Variants in COL12A1 observed in about 807,000 individuals in gnomAD.
COL12A1 encodes the protein collagen type XII alpha 1 chain.
Under a neutral mutation model 349.7 loss-of-function variants are expected in COL12A1, and 114 were observed. The ratio of observed to expected loss-of-function variants is 0.33; its 90% CI spans 0.28 to 0.38. The LOEUF (loss-of-function observed/expected upper bound fraction) is 0.38. Among genes scored for constraint, COL12A1 ranks in the 10% least tolerant of loss-of-function variants. The pLI is 1.00. For missense variants in COL12A1, 3,284 were observed against 3,756.9 expected (o/e 0.87, Z 3.29); for synonymous variants, 1,369 against 1,329.0 (o/e 1.03, Z -0.66).
chr6:75,176,617 ACT>A (rs1276214826), intron 12 of COL12A1, among the ~76,000 whole-genome samples: 1 of 152,152 alleles, frequency 6.6e-6, no homozygotes, highest in Non-Finnish European at 1.5e-5. Flanking sequence ...AAATCCACAA[ACT>A]CAGATTCACC....
At chr6:75,108,485 G>A (rs574540927) in intron 52 of COL12A1, among the ~76,000 whole-genome samples, 12 of 152,166 alleles carry the variant, frequency 7.9e-5, no homozygotes, top group African/African-American at 2.4e-4. Context: ...GGGTTGGCAC[G>A]CTCCTGCCTC....
At chr6:75,180,382 T>C (rs1449782740) in intron 11 of COL12A1, among the ~76,000 whole-genome samples, 1 of 152,128 alleles carries the variant, frequency 6.6e-6, no homozygotes, top group Non-Finnish European at 1.5e-5. Flanking sequence ...TATTGCTTAA[T>C]GGGTACAGAA....
rs1174493948 is a variant in COL12A1 at position 75,182,112 on chromosome 6, GA to G, written c.1892-902del. 1.4e-3 allele frequency among the ~76,000 whole-genome samples: 180 copies of G among 132,742 alleles called. 1 individual carries two copies. Among genetic ancestry groups the G allele is most frequent in the African/African-American group, 4.5e-3 (162 of 36,060 alleles). The allele number at this position is 132,742 out of a possible 152,430, so 87.1% of individuals were successfully genotyped here. On this transcript the variant is annotated intron_variant, in intron 10 of 65. Coordinates refer to ENST00000322507, the MANE Select transcript of COL12A1 (RefSeq NM_004370.6). ...CCCTGTCTCAAAAAAAAAAAAAAAA[GA>G]AAAAAAAACAGTACATAGGAAAGCC...
chr6:75,179,889 A>C (rs1455507741), intron 11 of COL12A1, among the ~76,000 whole-genome samples: 1 of 152,272 alleles, frequency 6.6e-6, no homozygotes, highest in Admixed American at 6.5e-5. Context: ...TAAGGAGTAC[A>C]CATGTAAACA....
chr6:75,194,032 G>T (rs1770093517), intron 3 of COL12A1, among the ~76,000 whole-genome samples: 1 of 152,108 alleles, frequency 6.6e-6, no homozygotes, highest in South Asian at 2.1e-4. Context: ...GTGCCACAAT[G>T]AACATACGTG....
chr6:75,165,806 T>C, intron 13 of COL12A1, 27 bp from the exon 14 acceptor site: 1 of 1,601,244 alleles, frequency 6.2e-7, no homozygotes, highest in East Asian at 2.2e-5. Context: ...AAGGGAATCT[T>C]TTTTAAAAAT....
chr6:75,191,524 T>C (rs1300256649), intron 5 of COL12A1, among the ~76,000 whole-genome samples, 177 bp downstream of exon 5: 1 of 152,022 alleles, frequency 6.6e-6, no homozygotes, highest in African/African-American at 2.4e-5. Context: ...TGTCAGAACT[T>C]AGGTTATAAT....
At position 75,151,378 on chromosome 6, in the gene COL12A1, G is replaced by T. The variant is rs1767478609; in HGVS notation, c.4001-91C>A. ...TGATTTACGGCTTTCTTAATTCATG[G>T]CTGCTTTTGGCCAACTATGAAGGTT... On this transcript the variant is annotated intron_variant, in intron 20 of 65. Coordinates refer to ENST00000322507, the MANE Select transcript of COL12A1 (RefSeq NM_004370.6). 3.4e-6 allele frequency: 4 copies of T among 1,178,782 alleles called. No individual in the cohort carries two copies. The East Asian group carries it at 9.9e-5, about 29-fold the overall frequency. The allele number at this position is 1,178,782 out of a possible 1,614,324, so 73.0% of individuals were successfully genotyped here. A position where few individuals can be genotyped will look rare whatever the true frequency, so the allele number is the denominator to read the frequency against.
Position 75,091,719 on chromosome 6 carries a change from TTC to T in COL12A1, c.8650-196_8650-195del, listed in dbSNP as rs371292617. Among the ~76,000 whole-genome samples, 17 of 150,318 alleles carry T rather than the reference TTC, an allele frequency of 1.1e-4. No homozygotes were observed. The South Asian group carries it at 1.5e-3, about 13-fold the overall frequency. On this transcript the variant is annotated intron_variant, in intron 60 of 65. Transcript: ENST00000322507. ...ATCTAATCTCTCTCTCTCTCTCTCT[TTC>T]TCTCTCTCTCTCTGAAGCACATGTC... is the stretch of plus-strand genomic sequence containing the variant.
chr6:75,134,098 G>T, intron 32 of COL12A1, 101 bp from the exon 33 acceptor site: 1 of 1,289,538 alleles, frequency 7.8e-7, no homozygotes. Flanking sequence ...AACATAGCAG[G>T]CACCGCACAA....
Position 75,086,403 on chromosome 6 carries a change from T to C in COL12A1, c.*144A>G. The stretch of plus-strand genomic sequence containing the variant: ...TAAAAAGAGTCTCCACCCTCCTTTG[T>C]GATGTCGACCCGGTTCGTTAACCAT... On this transcript the variant is annotated 3_prime_UTR_variant, in exon 66 of 66. Transcript: ENST00000322507. 1.9e-6 allele frequency: 1 copy of C among 539,318 alleles called. No individual in the cohort carries two copies. The highest frequency in any genetic ancestry group is 3.1e-5 in the South Asian group (1 of 32,082). The allele number at this position is 539,318 out of a possible 1,614,324, so 33.4% of individuals were successfully genotyped here.
At chr6:75,198,920 G>A (rs1562328208) in intron 2 of COL12A1, among the ~76,000 whole-genome samples, 1 of 152,184 alleles carries the variant, frequency 6.6e-6, no homozygotes, top group Non-Finnish European at 1.5e-5. Flanking sequence ...CTTGACAAGT[G>A]TGCAATAAGT....
chr6:75,139,059 CT>C (rs1766765990), intron 27 of COL12A1, 98 bp from the exon 28 acceptor site: 2 of 1,371,750 alleles, frequency 1.5e-6, no homozygotes, highest in African/African-American at 2.9e-5. Context: ...TAATGGACAT[CT>C]GAAAACTGAT....
At chr6:75,101,975 A>G in intron 57 of COL12A1, 24 bp downstream of exon 57, 1 of 1,613,332 alleles carries the variant, frequency 6.2e-7, no homozygotes, top group Admixed American at 1.7e-5. Context: ...AGCACATGAC[A>G]GGGCAACTTA....
intron 49 of COL12A1, among the ~76,000 whole-genome samples, chr6:75,115,137 C>A (rs1462961225): frequency 1.3e-5 from 2 of 152,130 alleles, no homozygotes; most frequent in Non-Finnish European, 2.9e-5. Context: ...AGACATCATT[C>A]CTGACCCTGT....
intron 13 of COL12A1, among the ~76,000 whole-genome samples, chr6:75,167,227 C>T (rs612266): frequency 0.045 from 6,852 of 152,118 alleles, 378 homozygotes; most frequent in African/African-American, 0.13. Context: ...TGGCTGTGGG[C>T]TTCTTTGTTT....
At chr6:75,111,115 A>G (rs1043865456) in intron 51 of COL12A1, among the ~76,000 whole-genome samples, 2 of 151,954 alleles carry the variant, frequency 1.3e-5, no homozygotes, top group Non-Finnish European at 2.9e-5. Context: ...GGAACATCTC[A>G]TTATACAGCT....
In COL12A1 at chr6:75,090,167, C is replaced by A; in HGVS notation, c.8884G>T (p.Gly2962Trp). The part of the protein sequence containing the change: ...SAGARGEPGP[G>W]GRPGFPGTPG... ...GTGCCCGGGAAGCCTGGCCGCCCCC[C>A]AGGCCCAGGTTCTCCTCTGGCTCCT... Residue 2962 changes from glycine (G) to tryptophan (W), a missense_variant, in exon 63 of 66, where the codon GGG (glycine) becomes TGG (tryptophan). Physicochemically the swap from Gly to Trp is radical, Grantham distance 184. Coordinates refer to ENST00000322507, the MANE Select transcript of COL12A1 (RefSeq NM_004370.6). The surrounding 1 kb of genome is among the most constrained non-coding windows in gnomAD (Gnocchi z 4.1). 1.2e-6 allele frequency: 2 copies of A among 1,614,128 alleles called. No homozygotes were observed. The highest frequency in any genetic ancestry group is 1.1e-5 in the South Asian group (1 of 91,076).
chr6:75,151,838 G>T, intron 20 of COL12A1, 29 bp downstream of exon 20: 1 of 1,604,206 alleles, frequency 6.2e-7, no homozygotes, highest in Non-Finnish European at 8.5e-7. Flanking sequence ...TGTAACCCCA[G>T]GGGCATCACT....
Sources: allele counts gnomAD v4.1 joint callset (sites outside exome capture counted in the v4.1 genomes callset), GRCh38; gene constraint gnomAD v4.1.1; non-coding constraint Gnocchi (gnomAD v3.1); transcripts MANE v1.5; gene names NCBI Gene and HGNC (gene_info 2026-07-23, HGNC 2026-07-21).